CORO2A: variants seen among roughly 807,000 people sequenced by gnomAD.
CORO2A encodes the protein coronin 2A, also known as coronin-2A.
CORO2A carries 47 observed loss-of-function variants against 62.4 expected under a neutral mutation model. The observed-to-expected ratio is 0.75, with a 90% CI of 0.60 to 0.96. The LOEUF (loss-of-function observed/expected upper bound fraction) is 0.96. Among genes scored for constraint, CORO2A ranks in the 40% least tolerant of loss-of-function variants. The pLI is 0.00. For synonymous variants in CORO2A, 273 were observed against 268.9 expected (o/e 1.02, Z -0.15); for missense variants, 610 against 684.1 (o/e 0.89, Z 1.21).
intron 1 of CORO2A, among the ~76,000 whole-genome samples, chr9:98,170,468 G>T (rs991980393): frequency 1.3e-5 from 2 of 152,180 alleles, no homozygotes; most frequent in African/African-American, 4.8e-5. Context: ...TTGAAACAGA[G>T]TCTCGCTCTG....
Position 98,124,779 on chromosome 9 carries a change from G to C in CORO2A, c.1573C>G (p.Leu525Val). 1 of 1,611,156 alleles carries C rather than the reference G, an allele frequency of 6.2e-7. No homozygotes were observed. Among genetic ancestry groups the C allele is most frequent in the Non-Finnish European group, 8.5e-7 (1 of 1,179,018 alleles). Residue 525 changes from leucine (L) to valine (V), a missense_variant, in exon 12 of 12, where the codon CTC becomes GTC. Physicochemically the swap from Leu to Val is conservative, Grantham distance 32 (BLOSUM62 1). Coordinates refer to ENST00000375077, the MANE Select transcript of CORO2A (RefSeq NM_052820.4). ...IKNLRMGSEQL is the reference protein window; with the variant it reads ...IKNLRMGSEQV ...AGGAGGGCAGAGGTCTCTGCTCAGA[G>C]CTGCTCTGAGCCCATCCGCAAGTTT... is the stretch of plus-strand genomic sequence containing the variant.
chr9:98,145,530 G>A (rs1327137115), intron 2 of CORO2A, among the ~76,000 whole-genome samples: 4 of 152,160 alleles, frequency 2.6e-5, no homozygotes, highest in African/African-American at 9.7e-5. Flanking sequence ...TTGTATGGAG[G>A]GAACAGATAT....
rs148388649 is a variant in CORO2A, at chr9:98,140,113, G to A, written c.202-2425C>T. On this transcript the variant is annotated intron_variant, in intron 2 of 11. Coordinates refer to ENST00000375077, the MANE Select transcript of CORO2A (RefSeq NM_052820.4). Reference sequence around the variant, plus strand: ...AACAGGGACCAGGACCCAGGCCCTCGACCTCCCACATCCACCATCTAGTTC... The same window carrying A: ...AACAGGGACCAGGACCCAGGCCCTCAACCTCCCACATCCACCATCTAGTTC... Among the ~76,000 whole-genome samples the A allele has an allele frequency of 3.9e-5, 6 of 152,122 alleles. No homozygotes were observed. In the East Asian group the frequency reaches 7.7e-4, roughly 20 times the overall value.
intron 1 of CORO2A, among the ~76,000 whole-genome samples, chr9:98,172,465 C>T (rs1433273185): frequency 1.8e-5 from 2 of 112,620 alleles, no homozygotes; most frequent in Admixed American, 9.0e-5. Context: ...CAGCCCCACA[C>T]CCCACTTCTG....
intron 5 of CORO2A, 106 bp from the exon 6 acceptor site, chr9:98,132,407 C>A: frequency 1.2e-6 from 1 of 851,270 alleles, no homozygotes; most frequent in South Asian, 1.5e-5. Flanking sequence ...ACCTGGGAGG[C>A]CTCCCTTTCT....
intron 2 of CORO2A, among the ~76,000 whole-genome samples, chr9:98,154,352 T>TATATATATATATATATACACAC (rs71369555): frequency 5.3e-5 from 5 of 94,054 alleles, no homozygotes; most frequent in African/African-American, 1.9e-4. Flanking sequence ...TATATATATA[T>TATATATATATATATATACACAC]ACACAAATAC....
intron 1 of CORO2A, among the ~76,000 whole-genome samples, chr9:98,164,759 G>A (rs1207524382): frequency 6.6e-6 from 1 of 152,088 alleles, no homozygotes; most frequent in East Asian, 1.9e-4. Context: ...CACCCCACAG[G>A]GTAATTTTTC....
chr9:98,136,337 T>G (rs933241123), intron 3 of CORO2A, among the ~76,000 whole-genome samples: 3 of 152,242 alleles, frequency 2.0e-5, no homozygotes, highest in Non-Finnish European at 1.5e-5. Flanking sequence ...TCCTTTACGT[T>G]CCTCAGCATC....
intron 2 of CORO2A, among the ~76,000 whole-genome samples, chr9:98,141,383 G>A (rs1484060577): frequency 1.4e-5 from 2 of 142,742 alleles, no homozygotes; most frequent in African/African-American, 5.3e-5. Context: ...ATGGAGTCTC[G>A]TCTTGTTGCT....
chr9:98,132,208 G>A lies in CORO2A; in HGVS notation c.742C>T (p.Arg248Trp), dbSNP rs377675370. 48 of 1,614,122 alleles carry A rather than the reference G, an allele frequency of 3.0e-5. No individual in the cohort carries two copies. Among genetic ancestry groups the A allele is most frequent in the Admixed American group, 1.2e-4 (7 of 60,030 alleles). The change falls in exon 6 of 12, where the codon CGG becomes TGG. Residue 248 changes from arginine to tryptophan, a missense_variant. Physicochemically the swap from Arg to Trp is moderately radical, Grantham distance 101 (BLOSUM62 -3). Transcript: ENST00000375077. ...MSTGTSRWNN[R>W]QVALWDQDNL... ...ACCTGGTCCCACAAGGCCACCTGCC[G>A]GTTGTTCCATCGGGATGTGCCTGTG...
intron 2 of CORO2A, among the ~76,000 whole-genome samples, chr9:98,149,420 C>A (rs1827693175): frequency 6.6e-6 from 1 of 152,116 alleles, no homozygotes; most frequent in Admixed American, 6.5e-5. Context: ...GTCCATTTTG[C>A]ATTGCTATAT....
rs185586846 is a variant in CORO2A, at chr9:98,160,767, C to T, written c.1-3107G>A. Reference sequence around the variant, plus strand: ...GTGGCAGCTGGTGATGCTCACCAGACGTCCCATTGCTCCCCTCATGTCCAG... The same window carrying T: ...GTGGCAGCTGGTGATGCTCACCAGATGTCCCATTGCTCCCCTCATGTCCAG... On this transcript the variant is annotated intron_variant, in intron 1 of 11. Coordinates refer to ENST00000375077, the MANE Select transcript of CORO2A (RefSeq NM_052820.4). Among the ~76,000 whole-genome samples, 680 of 151,720 alleles carry T rather than the reference C, an allele frequency of 4.5e-3. 2 individuals are homozygous for T. The highest frequency in any genetic ancestry group is 7.9e-3 in the South Asian group (38 of 4,824).
intron 1 of CORO2A, among the ~76,000 whole-genome samples, chr9:98,173,294 T>G (rs993822391): frequency 6.6e-6 from 1 of 152,218 alleles, no homozygotes; most frequent in African/African-American, 2.4e-5. Context: ...GAATCGCTGC[T>G]CTACAGCCCA....
rs74567058 is a variant in CORO2A at position 98,173,532 on chromosome 9, C to T, written c.1-15872G>A. ...TGGCCACTGCGGCTCTGCTCCTTGG[C>T]TTGCTTTCTTAAGTCTCTTCTCAAC... On this transcript the variant is annotated intron_variant, in intron 1 of 11. Coordinates refer to ENST00000375077, the MANE Select transcript of CORO2A (RefSeq NM_052820.4). Among the ~76,000 whole-genome samples the T allele has an allele frequency of 5.4e-3, 782 of 144,416 alleles. 5 individuals carry two copies. Among genetic ancestry groups the T allele is most frequent in the Non-Finnish European group, 8.7e-3 (566 of 65,130 alleles). The allele number at this position is 144,416 out of a possible 152,430, so 94.7% of individuals were successfully genotyped here.
At chr9:98,175,970 G>A (rs1015278536) in intron 1 of CORO2A, among the ~76,000 whole-genome samples, 1 of 152,176 alleles carries the variant, frequency 6.6e-6, no homozygotes, top group Non-Finnish European at 1.5e-5. Context: ...GCCAGGCACT[G>A]TCCTAAGCTA....
intron 2 of CORO2A, among the ~76,000 whole-genome samples, chr9:98,150,324 C>G (rs1182551962): frequency 6.6e-6 from 1 of 151,914 alleles, no homozygotes; most frequent in Non-Finnish European, 1.5e-5. Flanking sequence ...ACAGTCCAGG[C>G]CCTACTCCCC....
chr9:98,134,615 T>C (rs1344261697), intron 4 of CORO2A, among the ~76,000 whole-genome samples, 191 bp downstream of exon 4: 1 of 152,044 alleles, frequency 6.6e-6, no homozygotes, highest in Non-Finnish European at 1.5e-5. Context: ...TAGCCAAGGA[T>C]GCCTGGAGCC....
intron 5 of CORO2A, 37 bp from the exon 6 acceptor site, chr9:98,132,338 T>G (rs371564240): frequency 6.4e-7 from 1 of 1,568,188 alleles, no homozygotes; most frequent in African/African-American, 1.4e-5. Context: ...GGAGAGACAG[T>G]AGAGGATCGG....
In CORO2A at chr9:98,124,886, C is replaced by T. The variant is rs376566115; in HGVS notation, c.1466G>A (p.Arg489Gln). The stretch of plus-strand genomic sequence containing the variant: ...GAGCCTTCGGATCTCCTCCTGTTGC[C>T]GGTAGAACATCTGCAGCAACTGGGG... ...TENELLQMFYRQQEEIRRLRE... is the reference protein window; with the variant it reads ...TENELLQMFYQQQEEIRRLRE... The change falls in exon 12 of 12, where the codon CGG (arginine) becomes CAG (glutamine). Residue 489 changes from arginine (R) to glutamine (Q), a missense_variant. Arg to Gln is a conservative substitution (Grantham distance 43). Transcript: ENST00000375077. 81 of 1,572,048 alleles carry T rather than the reference C, an allele frequency of 5.2e-5. No homozygotes were observed. Among genetic ancestry groups the T allele is most frequent in the Admixed American group, 3.7e-5 (2 of 53,520 alleles).
Sources: allele counts gnomAD v4.1 joint callset (sites outside exome capture counted in the v4.1 genomes callset), GRCh38; gene constraint gnomAD v4.1.1; transcripts MANE v1.5; gene names NCBI Gene and HGNC (gene_info 2026-07-23, HGNC 2026-07-21).